The following GCN1 variants were observed in gnomAD, a reference collection of about 807,000 sequenced individuals.
The protein encoded by GCN1 is stalled ribosome sensor GCN1.
In GCN1, 90 loss-of-function variants were observed where a neutral mutation model predicts 288.4. The observed-to-expected ratio is 0.31, with a 90% CI of 0.26 to 0.37. GCN1 has a LOEUF of 0.37. Among genes scored for constraint, GCN1 ranks in the 10% least tolerant of loss-of-function variants. The pLI is 1.00. For synonymous variants in GCN1, 1,386 were observed against 1,420.2 expected (o/e 0.98, Z 0.54); for missense variants, 2,586 against 3,419.9 (o/e 0.76, Z 6.08).
In GCN1 at chr12:120,147,196, G is replaced by A. The variant is rs759701533; in HGVS notation, c.4803C>T (p.Asp1601=). 3 of 1,613,116 alleles carry A rather than the reference G, an allele frequency of 1.9e-6. No individual in the cohort carries two copies. The Admixed American group carries it at 5.0e-5, about 27-fold the overall frequency. ...CATCAATGAAGTGGACAAACTTGGT[G>A]TCCAGCAGGGTCTGCAAGCACTTCT... ...KTQKCLQTLL[D]TKFVHFIDAP... is the part of the protein sequence containing the mutation. The change falls in exon 38 of 58, where the codon GAC becomes GAT. Residue 1601 remains aspartate (D), a synonymous_variant. Transcript: ENST00000300648.
At chr12:120,160,321 A>G in intron 22 of GCN1, 66 bp from the exon 23 acceptor site, 2 of 1,134,842 alleles carry the variant, frequency 1.8e-6, no homozygotes, top group Non-Finnish European at 2.7e-6. Context: ...CCAACAGAGG[A>G]AGGTGAGCTT....
chr12:120,175,318 G>C, intron 11 of GCN1, 106 bp from the exon 12 acceptor site: 1 of 1,052,444 alleles, frequency 9.5e-7, no homozygotes, highest in Non-Finnish European at 1.5e-6. Context: ...TCTGATTCCA[G>C]AAGTAGCCTT....
chr12:120,131,774 T>C (rs531178492), intron 54 of GCN1, 152 bp downstream of exon 54: 1 of 614,264 alleles, frequency 1.6e-6, no homozygotes, highest in East Asian at 2.9e-5. Context: ...CCACCACCCC[T>C]GGCCTGGATT....
At chr12:120,165,067 G>A (rs932069210) in intron 16 of GCN1, among the ~76,000 whole-genome samples, 6 of 145,694 alleles carry the variant, frequency 4.1e-5, no homozygotes, top group Admixed American at 1.4e-4. Flanking sequence ...TTTTTTGAGA[G>A]ACAGTCACGC....
intron 36 of GCN1, among the ~76,000 whole-genome samples, chr12:120,148,820 TTTTA>T (rs1371707114): frequency 2.0e-5 from 3 of 152,032 alleles, no homozygotes; most frequent in Non-Finnish European, 4.4e-5. Context: ...GTGCCAGACA[TTTTA>T]TTTATTTATT....
rs758911718 is a variant in GCN1 at position 120,174,147 on chromosome 12, G to A, written c.1116C>T (p.His372=). 23 of 1,598,970 alleles carry A rather than the reference G, an allele frequency of 1.4e-5. No homozygotes were observed. The highest frequency in any genetic ancestry group is 5.0e-5 in the Admixed American group (3 of 59,956). The change falls in exon 13 of 58, where the codon CAC becomes CAT. Residue 372 remains histidine, a synonymous_variant. Transcript: ENST00000300648. The part of the protein sequence containing the change: ...VLSGIGSVSH[H]VVSGPSSQVL... ...CCTGACTGGAAGGTCCAGACACCAC[G>A]TGATGACTGACGCTCCCAATCCCTA...
At chr12:120,170,089 C>A (rs1239374327) in intron 15 of GCN1, 80 bp downstream of exon 15, 16 of 1,314,902 alleles carry the variant, frequency 1.2e-5, no homozygotes, top group Non-Finnish European at 1.5e-5. Flanking sequence ...CAAGCTAATC[C>A]TGAACATCAA....
In GCN1 at chr12:120,127,812, G is replaced by A; in HGVS notation, c.*37C>T. ...TTCAAAAATGAAAACATTGAGCAAA[G>A]ATGTGGAGCGGCAATGCTGCTGCTG... On this transcript the variant is annotated 3_prime_UTR_variant, in exon 58 of 58. Coordinates refer to ENST00000300648, the MANE Select transcript of GCN1 (RefSeq NM_006836.2). 6.2e-7 allele frequency: 1 copy of A among 1,602,646 alleles called. No homozygotes were observed. Among genetic ancestry groups the A allele is most frequent in the South Asian group, 1.1e-5 (1 of 90,672 alleles).
rs1260327648 is a variant in GCN1 at position 120,153,434 on chromosome 12, C to T, written c.3868-27G>A. ...TGGAAAGCCAAACCCCTCAGAGCCTCAGGTCAACCCTACAGGCTGCATCTG... is the reference window on the plus strand; with the variant it reads ...TGGAAAGCCAAACCCCTCAGAGCCTTAGGTCAACCCTACAGGCTGCATCTG... On this transcript the variant is annotated intron_variant, in intron 32 of 57. Transcript: ENST00000300648. The surrounding 1 kb of genome is among the most constrained non-coding windows in gnomAD (Gnocchi z 4.4). 2 of 1,602,752 alleles carry T rather than the reference C, an allele frequency of 1.2e-6. No homozygotes were observed.
At chr12:120,152,427 A>T (rs1209677173) in intron 33 of GCN1, among the ~76,000 whole-genome samples, 1 of 126,842 alleles carries the variant, frequency 7.9e-6, no homozygotes, top group Non-Finnish European at 1.6e-5. Flanking sequence ...TATATATATA[A>T]ATATATATAT....
chr12:120,180,893 G>A (rs549124212), intron 5 of GCN1, among the ~76,000 whole-genome samples: 9 of 152,054 alleles, frequency 5.9e-5, no homozygotes, highest in Non-Finnish European at 7.4e-5. Context: ...GGGAGGCTGA[G>A]GCAGGAGAAT....
intron 2 of GCN1, among the ~76,000 whole-genome samples, chr12:120,189,301 G>C (rs1373354260): frequency 6.6e-6 from 1 of 151,808 alleles, no homozygotes; most frequent in East Asian, 1.9e-4. Context: ...TCGAACTCCT[G>C]ACCTCGTGAT....
chr12:120,175,760 A>G lies in GCN1; in HGVS notation c.1028T>C (p.Phe343Ser). Residue 343 changes from phenylalanine to serine, a missense_variant, in exon 11 of 58, where the codon TTT becomes TCT. This residue lies in a region of GCN1 where 913 missense variants were observed against 1,107.0 expected (regional missense o/e 0.82). Coordinates refer to ENST00000300648, the MANE Select transcript of GCN1 (RefSeq NM_006836.2). ...SAMESLTKHL[F>S]AILGGSEGKL... The stretch of plus-strand genomic sequence containing the variant: ...GGCTTGCTCACCTCCGAGGATAGCA[A>G]ATAGGTGCTTGGTCAGGGATTCCAT... The G allele has an allele frequency of 6.2e-7, 1 of 1,612,478 alleles. No individual in the cohort carries two copies. Among genetic ancestry groups the G allele is most frequent in the Admixed American group, 1.7e-5 (1 of 59,570 alleles).
At chr12:120,189,063 G>A (rs565596925) in intron 2 of GCN1, among the ~76,000 whole-genome samples, 1 of 152,148 alleles carries the variant, frequency 6.6e-6, no homozygotes, top group African/African-American at 2.4e-5. Context: ...GAGGGGGGAA[G>A]AAGGCCATGG....
At chr12:120,128,057 T>G in intron 57 of GCN1, 83 bp from the exon 58 acceptor site, 1 of 1,481,696 alleles carries the variant, frequency 6.7e-7, no homozygotes, top group South Asian at 1.2e-5. Flanking sequence ...CAAAAATGAA[T>G]GTTAACCCCA....
Position 120,141,018 on chromosome 12 carries a change from T to C in GCN1, c.5835A>G (p.Ala1945=), listed in dbSNP as rs771032242. ...GCACAAGATCTCCCAATGTTCTCGC[T>C]GCAATCTGTCAACAGAGACCAATCC... ...ASTCADKRTI[A]ARTLGDLVRK... Residue 1945 remains alanine (A), a synonymous_variant, in exon 45 of 58, where the codon GCA becomes GCG. Transcript: ENST00000300648. 6.2e-7 allele frequency: 1 copy of C among 1,612,560 alleles called. No individual in the cohort carries two copies. Among genetic ancestry groups the C allele is most frequent in the Non-Finnish European group, 8.5e-7 (1 of 1,179,052 alleles).
chr12:120,162,898 C>T lies in GCN1; in HGVS notation c.2112G>A (p.Arg704=). ...MKIDPEAFIT[R]HLDQIIPRMT... is the part of the protein sequence containing the mutation. The stretch of plus-strand genomic sequence containing the variant: ...TCCTGGGAATGATCTGATCCAGGTG[C>T]CTGGTGATAAAGGCTTCAGGATCGA... Residue 704 remains arginine, a synonymous_variant, in exon 20 of 58, where the codon AGG becomes AGA. Coordinates refer to ENST00000300648, the MANE Select transcript of GCN1 (RefSeq NM_006836.2). 6.2e-7 allele frequency: 1 copy of T among 1,614,130 alleles called. No homozygotes were observed. The highest frequency in any genetic ancestry group is 8.5e-7 in the Non-Finnish European group (1 of 1,179,992).
intron 11 of GCN1, 61 bp from the exon 12 acceptor site, chr12:120,175,273 C>T: frequency 1.4e-6 from 2 of 1,399,888 alleles, no homozygotes; most frequent in Non-Finnish European, 2.0e-6. Context: ...AGAGAGTGAA[C>T]AATGCAGTCA....
chr12:120,177,523 G>C lies in GCN1; in HGVS notation c.762C>G (p.Ser254=), dbSNP rs1878518156. 1 of 1,611,068 alleles carries C rather than the reference G, an allele frequency of 6.2e-7. No homozygotes were observed. Among genetic ancestry groups the C allele is most frequent in the African/African-American group, 1.3e-5 (1 of 74,790 alleles). Residue 254 remains serine (S), a synonymous_variant, in exon 9 of 58, where the codon TCC becomes TCG. Transcript: ENST00000300648. ...DSCAPLLRYL[S]HSEFKDLILP... ...GTATCAGATCCTTAAATTCTGAGTG[G>C]GACAGGTATCGGAGCAGAGGGGCAC...
Sources: gnomAD v4.1 joint callset for allele counts (sites outside exome capture counted in the v4.1 genomes callset) on GRCh38, gnomAD v4.1.1 for gene constraint, gnomAD v4.1.1 regional missense constraint, Gnocchi (gnomAD v3.1) non-coding constraint, MANE v1.5 for transcripts, NCBI Gene and HGNC (gene_info 2026-07-23, HGNC 2026-07-21) for gene names.